The following CSMD1 variants were observed in gnomAD, a reference collection of about 807,000 sequenced individuals.
CSMD1 encodes CUB and sushi domain-containing protein 1.
CSMD1 carries 213 observed loss-of-function variants against 417.5 expected under a neutral mutation model. That is an observed-to-expected ratio of 0.51 (90% CI 0.46 to 0.57). The LOEUF (loss-of-function observed/expected upper bound fraction) is 0.57. Ranked by LOEUF, CSMD1 falls within the 20% of genes least tolerant of loss-of-function variation. CSMD1 has a pLI of 0.00. For synonymous variants in CSMD1, 2,862 were observed against 1,736.8 expected (o/e 1.65, Z -16.11); for missense variants, 6,923 against 4,529.7 (o/e 1.53, Z -15.17).
At chr8:3,877,709 T>C (rs979255074) in intron 5 of CSMD1, among the ~76,000 whole-genome samples, 1 of 152,208 alleles carries the variant, frequency 6.6e-6, no homozygotes, top group South Asian at 2.1e-4. Flanking sequence ...TATTTTCATA[T>C]GCAGTCACAA....
intron 27 of CSMD1, among the ~76,000 whole-genome samples, chr8:3,227,128 C>G (rs1005082207): frequency 6.6e-6 from 1 of 151,970 alleles, no homozygotes; most frequent in Non-Finnish European, 1.5e-5. Flanking sequence ...GGGCTGGACA[C>G]GATGGCTCAC....
intron 3 of CSMD1, among the ~76,000 whole-genome samples, chr8:4,107,923 T>A (rs1185584459): frequency 6.6e-6 from 1 of 152,104 alleles, no homozygotes; most frequent in African/African-American, 2.4e-5. Flanking sequence ...AACATTTTCG[T>A]CAAAGTTTTG....
intron 5 of CSMD1, among the ~76,000 whole-genome samples, chr8:3,959,270 C>T (rs115382063): frequency 0.015 from 2,228 of 152,278 alleles, 57 homozygotes; most frequent in African/African-American, 0.051. Flanking sequence ...GATGCCAAGG[C>T]AGGAGGACTT....
chr8:4,963,960 T>C (rs958531329), intron 1 of CSMD1, among the ~76,000 whole-genome samples: 6 of 152,174 alleles, frequency 3.9e-5, no homozygotes, highest in Non-Finnish European at 8.8e-5. Context: ...TACCAAATAC[T>C]CTATAACATA....
At chr8:4,247,135 G>A (rs865872899) in intron 3 of CSMD1, among the ~76,000 whole-genome samples, 3 of 152,182 alleles carry the variant, frequency 2.0e-5, no homozygotes, top group African/African-American at 7.2e-5. Context: ...AAATCACACC[G>A]TCCTCAATAT....
At chr8:3,602,111 G>A (rs941360644) in intron 8 of CSMD1, among the ~76,000 whole-genome samples, 1 of 152,168 alleles carries the variant, frequency 6.6e-6, no homozygotes, top group Non-Finnish European at 1.5e-5. Context: ...TAACACCATT[G>A]AACTGCACAC....
At chr8:4,307,996 G>T (rs1024348170) in intron 3 of CSMD1, among the ~76,000 whole-genome samples, 1 of 152,128 alleles carries the variant, frequency 6.6e-6, no homozygotes. Context: ...AAGGAGGCTG[G>T]GATGTAAACA....
chr8:3,074,854 T>C (rs984186968), intron 49 of CSMD1, among the ~76,000 whole-genome samples: 2 of 152,206 alleles, frequency 1.3e-5, no homozygotes, highest in African/African-American at 4.8e-5. Flanking sequence ...ATAGATATAA[T>C]AGATATGTTT....
At chr8:3,113,629 C>G (rs1816672932) in intron 42 of CSMD1, among the ~76,000 whole-genome samples, 1 of 152,220 alleles carries the variant, frequency 6.6e-6, no homozygotes. Context: ...ATCATTGCCT[C>G]AAATACCACG....
rs1014509182 is a variant in CSMD1 at position 4,562,640 on chromosome 8, T to C, written c.302+74702A>G. On this transcript the variant is annotated intron_variant, in intron 2 of 69. Transcript: ENST00000635120. ...AGAAATTTAGGACACATCAGAAATG[T>C]CAGATTCTATGGAGATCCAACTCAA... 3.3e-5 allele frequency among the ~76,000 whole-genome samples: 5 copies of C among 152,132 alleles called. No homozygotes were observed. In the East Asian group the frequency reaches 5.8e-4, roughly 18 times the overall value.
chr8:4,305,114 C>T (rs1341540648), intron 3 of CSMD1, among the ~76,000 whole-genome samples: 1 of 152,178 alleles, frequency 6.6e-6, no homozygotes, highest in Non-Finnish European at 1.5e-5. Flanking sequence ...GATAAAATTT[C>T]AAAAATAATA....
intron 5 of CSMD1, among the ~76,000 whole-genome samples, chr8:3,862,404 TTC>T (rs33975874): frequency 0.43 from 65,368 of 151,932 alleles, 16,646 homozygotes; most frequent in African/African-American, 0.72. Context: ...TCCTGAATTT[TTC>T]TCTCACTTGT....
intron 18 of CSMD1, among the ~76,000 whole-genome samples, chr8:3,378,666 G>C (rs536611035): frequency 2.6e-5 from 4 of 152,158 alleles, no homozygotes; most frequent in Admixed American, 2.6e-4. Flanking sequence ...TATCTCAAGA[G>C]ATGAAGAAAA....
At chr8:3,300,110 A>C (rs1421576645) in intron 25 of CSMD1, among the ~76,000 whole-genome samples, 2 of 152,238 alleles carry the variant, frequency 1.3e-5, no homozygotes, top group East Asian at 3.8e-4. Flanking sequence ...ACATTCAGGC[A>C]ATGGAATACT....
chr8:4,326,369 A>C (rs1407696065), intron 3 of CSMD1, among the ~76,000 whole-genome samples: 1 of 152,172 alleles, frequency 6.6e-6, no homozygotes, highest in Admixed American at 6.5e-5. Flanking sequence ...GACGATCACC[A>C]ATGTGGCGAG....
intron 2 of CSMD1, among the ~76,000 whole-genome samples, chr8:4,458,438 A>C (rs761340345): frequency 1.3e-5 from 2 of 152,204 alleles, no homozygotes; most frequent in South Asian, 2.1e-4. Flanking sequence ...TTGGTTTCTA[A>C]AACAGTCTGA....
At chr8:4,793,587 T>G (rs911383885) in intron 1 of CSMD1, among the ~76,000 whole-genome samples, 1 of 151,992 alleles carries the variant, frequency 6.6e-6, no homozygotes, top group African/African-American at 2.4e-5. Context: ...ACTTTTTAGT[T>G]TGAGGCATTG....
intron 2 of CSMD1, among the ~76,000 whole-genome samples, chr8:4,459,659 T>TA (rs562269707): frequency 1.4e-4 from 21 of 152,256 alleles, no homozygotes; most frequent in African/African-American, 5.1e-4. Flanking sequence ...GCCTCAAAAA[T>TA]ATCTCCTGCA....
At chr8:3,163,725 G>C (rs949580207) in intron 37 of CSMD1, among the ~76,000 whole-genome samples, 2 of 152,148 alleles carry the variant, frequency 1.3e-5, no homozygotes, top group Non-Finnish European at 2.9e-5. Context: ...CACTCAGGAA[G>C]CAGCTGTGGG....
Sources: allele counts gnomAD v4.1 joint callset (sites outside exome capture counted in the v4.1 genomes callset), GRCh38; gene constraint gnomAD v4.1.1; transcripts MANE v1.5; gene names NCBI Gene and HGNC (gene_info 2026-07-23, HGNC 2026-07-21).